FBXL7: variants seen among roughly 807,000 people sequenced by gnomAD.
FBXL7 encodes F-box and leucine rich repeat protein 7.
In FBXL7, 12 loss-of-function variants were observed where a neutral mutation model predicts 38.3. That is an observed-to-expected ratio of 0.31 (90% CI 0.20 to 0.51). The LOEUF is 0.51. Ranked by LOEUF, FBXL7 falls within the 20% of genes least tolerant of loss-of-function variation. The pLI is 0.98. For missense variants in FBXL7, 567 were observed against 676.4 expected (o/e 0.84, Z 1.79); for synonymous variants, 297 against 300.9 (o/e 0.99, Z 0.13).
intron 2 of FBXL7, among the ~76,000 whole-genome samples, chr5:15,618,306 G>A (rs1740516812): frequency 1.3e-5 from 2 of 152,178 alleles, no homozygotes; most frequent in South Asian, 2.1e-4. Context: ...CTTTTAAGTA[G>A]AAGAGGCTTG....
At chr5:15,768,699 C>T (rs911916639) in intron 2 of FBXL7, among the ~76,000 whole-genome samples, 2 of 152,216 alleles carry the variant, frequency 1.3e-5, no homozygotes, top group African/African-American at 2.4e-5. Context: ...ACACACAGAG[C>T]GTGGTCCACT....
intron 1 of FBXL7, among the ~76,000 whole-genome samples, chr5:15,555,989 C>CTATG (rs1738220067): frequency 8.3e-6 from 1 of 120,150 alleles, no homozygotes. Flanking sequence ...ATCTATCTAT[C>CTATG]TATCTATCTA....
rs1742279890 is a variant in FBXL7, at chr5:15,939,205, C to A, written c.*2019C>A. 2.5e-6 allele frequency: 1 copy of A among 396,378 alleles called. No homozygotes were observed. Among genetic ancestry groups the A allele is most frequent in the African/African-American group, 2.1e-5 (1 of 48,558 alleles). 24.6% of individuals were successfully genotyped at this position (396,378 alleles called of 1,614,324 possible). On this transcript the variant is annotated 3_prime_UTR_variant, in exon 4 of 4. Coordinates refer to ENST00000504595, the MANE Select transcript of FBXL7 (RefSeq NM_012304.5). The stretch of plus-strand genomic sequence containing the variant: ...GCTCTGTGCCATGGGGGAAATGAAT[C>A]ATTTAGCTAGGCCAGGATCTAGTGA...
intron 2 of FBXL7, among the ~76,000 whole-genome samples, chr5:15,724,095 A>C (rs1252956493): frequency 1.3e-5 from 2 of 152,172 alleles, no homozygotes; most frequent in Non-Finnish European, 2.9e-5. Flanking sequence ...ATACCTCTTG[A>C]AAGTTTGAAT....
intron 2 of FBXL7, among the ~76,000 whole-genome samples, chr5:15,888,688 C>T (rs990379251): frequency 6.6e-6 from 1 of 152,102 alleles, no homozygotes; most frequent in East Asian, 1.9e-4. Context: ...GACCAATAAC[C>T]TTCTGCACTT....
At chr5:15,921,705 A>G (rs1741746369) in intron 2 of FBXL7, among the ~76,000 whole-genome samples, 1 of 152,222 alleles carries the variant, frequency 6.6e-6, no homozygotes, top group South Asian at 2.1e-4. Context: ...AAATTTTTCT[A>G]AAGATGTCAT....
chr5:15,589,463 G>A (rs1485933558), intron 1 of FBXL7, among the ~76,000 whole-genome samples: 2 of 151,862 alleles, frequency 1.3e-5, no homozygotes, highest in African/African-American at 2.4e-5. Context: ...CTTTGTCTTC[G>A]GCCGTGATTG....
chr5:15,660,449 T>C (rs2092437691), intron 2 of FBXL7, among the ~76,000 whole-genome samples: 1 of 152,158 alleles, frequency 6.6e-6, no homozygotes, highest in South Asian at 2.1e-4. Context: ...CTTCACCTCC[T>C]AGGTTCAAGT....
chr5:15,546,036 C>T (rs754422898), intron 1 of FBXL7, among the ~76,000 whole-genome samples: 2 of 152,198 alleles, frequency 1.3e-5, no homozygotes, highest in Non-Finnish European at 2.9e-5. Context: ...AAAATATCTT[C>T]TTAATATTTT....
chr5:15,580,720 G>T, intron 1 of FBXL7: 1 of 985,350 alleles, frequency 1.0e-6, no homozygotes, highest in Non-Finnish European at 1.2e-6. Context: ...GAAGGGAGGT[G>T]GTGAGCCTGA....
chr5:15,683,473 C>T (rs1481021615), intron 2 of FBXL7, among the ~76,000 whole-genome samples: 1 of 152,208 alleles, frequency 6.6e-6, no homozygotes, highest in South Asian at 2.1e-4. Flanking sequence ...TCTTGATACA[C>T]TGCATCTGGC....
intron 2 of FBXL7, among the ~76,000 whole-genome samples, chr5:15,746,234 A>G (rs542231411): frequency 3.3e-5 from 5 of 152,350 alleles, no homozygotes; most frequent in African/African-American, 1.2e-4. Flanking sequence ...ACTTCTAGAC[A>G]TGTTACCTGT....
intron 2 of FBXL7, among the ~76,000 whole-genome samples, chr5:15,746,002 A>G (rs1736005228): frequency 6.6e-6 from 1 of 152,108 alleles, no homozygotes; most frequent in Non-Finnish European, 1.5e-5. Context: ...AGTCATTTGA[A>G]CTGGAATCTT....
intron 2 of FBXL7, among the ~76,000 whole-genome samples, chr5:15,711,986 A>C (rs1158516514): frequency 6.6e-6 from 1 of 152,216 alleles, no homozygotes; most frequent in East Asian, 1.9e-4. Context: ...ACTCATCTGA[A>C]ATGCCATTAT....
chr5:15,640,280 T>C (rs1436746111), intron 2 of FBXL7, among the ~76,000 whole-genome samples: 3 of 152,074 alleles, frequency 2.0e-5, no homozygotes. Flanking sequence ...CCTCTTTTGG[T>C]TCCCGACAGT....
chr5:15,789,062 G>C lies in FBXL7; in HGVS notation c.128-138828G>C, dbSNP rs187115032. Among the ~76,000 whole-genome samples, 308 of 152,108 alleles carry C rather than the reference G, an allele frequency of 2.0e-3. 1 individual carries two copies. Among genetic ancestry groups the C allele is most frequent in the African/African-American group, 7.2e-3 (300 of 41,504 alleles). ...AGGCGGGATTTCACGGTGTTGGCCA[G>C]GGTTGTCTCTATCTCCTGACCTCGT... On this transcript the variant is annotated intron_variant, in intron 2 of 3. Transcript: ENST00000504595.
chr5:15,601,781 T>C (rs560094881), intron 1 of FBXL7, among the ~76,000 whole-genome samples: 14 of 152,326 alleles, frequency 9.2e-5, no homozygotes, highest in African/African-American at 2.2e-4. Flanking sequence ...TTTTCTGCTA[T>C]TTAATTCGGC....
chr5:15,912,656 C>G (rs1399176335), intron 2 of FBXL7, among the ~76,000 whole-genome samples: 2 of 151,692 alleles, frequency 1.3e-5, no homozygotes, highest in Non-Finnish European at 2.9e-5. Flanking sequence ...ATGGAGCTTT[C>G]TATTAAAAAA....
At chr5:15,673,959 C>T (rs946445956) in intron 2 of FBXL7, among the ~76,000 whole-genome samples, 85 of 152,114 alleles carry the variant, frequency 5.6e-4, no homozygotes, top group Admixed American at 5.4e-3. Flanking sequence ...TGAGAACGTG[C>T]GTTTGGATGT....
Sources: allele counts gnomAD v4.1 joint callset (sites outside exome capture counted in the v4.1 genomes callset), GRCh38; gene constraint gnomAD v4.1.1; transcripts MANE v1.5; gene names NCBI Gene and HGNC (gene_info 2026-07-23, HGNC 2026-07-21).